Variants in MACROD2 observed in about 807,000 individuals in gnomAD.
MACROD2 encodes mono-ADP ribosylhydrolase 2, also known as ADP-ribose glycohydrolase MACROD2.
Under a neutral mutation model 70.4 loss-of-function variants are expected in MACROD2, and 36 were observed. That is an observed-to-expected ratio of 0.51 (90% confidence interval 0.39 to 0.68). The LOEUF (loss-of-function observed/expected upper bound fraction) is 0.68, where lower values mean the gene tolerates loss of function less well. MACROD2 is among the 30% of genes least tolerant of loss of function. The pLI is 0.00. For missense variants in MACROD2, 496 were observed against 538.4 expected (o/e 0.92, Z 0.78); for synonymous variants, 172 against 178.8 (o/e 0.96, Z 0.30).
intron 3 of MACROD2, among the ~76,000 whole-genome samples, chr20:14,405,930 A>G (rs562480445): frequency 1.3e-5 from 2 of 152,288 alleles, no homozygotes; most frequent in South Asian, 4.1e-4. Context: ...AACTTGAGCC[A>G]TTACTGTGGA....
chr20:14,078,261 AATTT>A (rs1944962888), intron 2 of MACROD2, among the ~76,000 whole-genome samples: 1 of 152,000 alleles, frequency 6.6e-6, no homozygotes, highest in African/African-American at 2.4e-5. Flanking sequence ...TTATCAAAAT[AATTT>A]ATTGTGCTTT....
At chr20:15,045,754 A>G (rs1429134538) in intron 5 of MACROD2, among the ~76,000 whole-genome samples, 1 of 92,762 alleles carries the variant, frequency 1.1e-5, no homozygotes, top group African/African-American at 3.7e-5. Flanking sequence ...TCCCTTTCTG[A>G]TAACACACCA....
chr20:14,621,162 A>C (rs1983803728), intron 4 of MACROD2, among the ~76,000 whole-genome samples: 1 of 152,140 alleles, frequency 6.6e-6, no homozygotes, highest in Non-Finnish European at 1.5e-5. Context: ...TGTTGTGTGG[A>C]TAAACTAATT....
chr20:15,139,315 A>G (rs1199487733), intron 5 of MACROD2, among the ~76,000 whole-genome samples: 2 of 152,108 alleles, frequency 1.3e-5, no homozygotes, highest in African/African-American at 2.4e-5. Flanking sequence ...TTGCACCAGC[A>G]TTGTTTATAT....
chr20:15,554,525 A>G (rs1163517677), intron 8 of MACROD2, among the ~76,000 whole-genome samples: 4 of 151,112 alleles, frequency 2.6e-5, no homozygotes, highest in African/African-American at 7.3e-5. Flanking sequence ...GAACCTATAC[A>G]TCATGGTAGT....
At chr20:15,466,209 GTTCA>G (rs2046885887) in intron 7 of MACROD2, among the ~76,000 whole-genome samples, 1 of 152,110 alleles carries the variant, frequency 6.6e-6, no homozygotes, top group South Asian at 2.1e-4. Flanking sequence ...TCATTCATTT[GTTCA>G]TTCATTCATT....
At chr20:14,357,715 A>T (rs2083186147) in intron 3 of MACROD2, among the ~76,000 whole-genome samples, 1 of 152,246 alleles carries the variant, frequency 6.6e-6, no homozygotes, top group South Asian at 2.1e-4. Flanking sequence ...ACTGATGAGC[A>T]GCTGCTGGCT....
At chr20:14,602,998 A>G (rs908293819) in intron 4 of MACROD2, among the ~76,000 whole-genome samples, 2 of 152,208 alleles carry the variant, frequency 1.3e-5, no homozygotes, top group South Asian at 2.1e-4. Context: ...AATTACATCT[A>G]GGAGACAACA....
intron 5 of MACROD2, among the ~76,000 whole-genome samples, chr20:14,909,767 G>T (rs1333008089): frequency 6.6e-6 from 1 of 152,048 alleles, no homozygotes; most frequent in Non-Finnish European, 1.5e-5. Flanking sequence ...ACAGGAATTT[G>T]AAAATCTGTT....
chr20:14,504,280 A>C (rs1163626635), intron 4 of MACROD2, among the ~76,000 whole-genome samples: 3 of 152,194 alleles, frequency 2.0e-5, no homozygotes, highest in Admixed American at 2.0e-4. Flanking sequence ...TTGCACATAC[A>C]TTATCTATGT....
chr20:15,692,415 G>T (rs2050309784), intron 8 of MACROD2, among the ~76,000 whole-genome samples: 1 of 152,034 alleles, frequency 6.6e-6, no homozygotes, highest in South Asian at 2.1e-4. Context: ...TTGAACTCTT[G>T]CTTCAACCTA....
At chr20:15,104,798 C>G (rs1308802959) in intron 5 of MACROD2, among the ~76,000 whole-genome samples, 1 of 152,072 alleles carries the variant, frequency 6.6e-6, no homozygotes, top group Non-Finnish European at 1.5e-5. Flanking sequence ...ATTTAAAAAG[C>G]AATTTCAACC....
At chr20:15,657,851 G>A in intron 8 of MACROD2, among the ~76,000 whole-genome samples, 1 of 152,162 alleles carries the variant, frequency 6.6e-6, no homozygotes, top group Middle Eastern at 3.2e-3. Context: ...AATTAGCTGT[G>A]CGTGGTGGCA....
chr20:15,040,034 T>A (rs1453888077), intron 5 of MACROD2, among the ~76,000 whole-genome samples: 1 of 152,164 alleles, frequency 6.6e-6, no homozygotes. Flanking sequence ...CTCTTGGATG[T>A]GAAGCATTGT....
At chr20:15,187,495 T>C (rs902623270) in intron 5 of MACROD2, among the ~76,000 whole-genome samples, 1 of 152,156 alleles carries the variant, frequency 6.6e-6, no homozygotes, top group Non-Finnish European at 1.5e-5. Context: ...TACTGGACAA[T>C]GAGACAGCTG....
chr20:14,612,142 A>T (rs189145746), intron 4 of MACROD2, among the ~76,000 whole-genome samples: 1 of 152,264 alleles, frequency 6.6e-6, no homozygotes, highest in East Asian at 1.9e-4. Context: ...ATCTAGCCAG[A>T]TGTTTAAGCA....
At chr20:14,114,885 T>C (rs941204403) in intron 3 of MACROD2, among the ~76,000 whole-genome samples, 1 of 152,198 alleles carries the variant, frequency 6.6e-6, no homozygotes, top group African/African-American at 2.4e-5. Context: ...AATATCTTCA[T>C]AATCTAGAGG....
At position 15,625,261 on chromosome 20, in the gene MACROD2, C is replaced by T. The variant is rs531089790; in HGVS notation, c.645+125414C>T. ...GAGAAGACCACAAGTGACTATAAAA[C>T]GAGGAAGCCCCGTAGCTAAGGGATT... On this transcript the variant is annotated intron_variant, in intron 8 of 17. Transcript: ENST00000684519. 6.6e-5 allele frequency among the ~76,000 whole-genome samples: 10 copies of T among 151,974 alleles called. No individual in the cohort carries two copies. The East Asian group carries it at 1.7e-3, about 26-fold the overall frequency.
chr20:14,156,371 G>A lies in MACROD2; in HGVS notation c.271+70643G>A, dbSNP rs908148987. Among the ~76,000 whole-genome samples, 36 of 152,034 alleles carry A rather than the reference G, an allele frequency of 2.4e-4. 1 individual carries two copies. Among genetic ancestry groups the A allele is most frequent in the Admixed American group, 2.3e-3 (35 of 15,252 alleles). On this transcript the variant is annotated intron_variant, in intron 3 of 17. Coordinates refer to ENST00000684519, the MANE Select transcript of MACROD2 (RefSeq NM_001351661.2). The stretch of plus-strand genomic sequence containing the variant: ...TTTTGCCTTTTCAGGAACTATTTGC[G>A]TTTGCGGTATTGCTTAACTATGAAA...
Sources: gnomAD v4.1 joint callset for allele counts (sites outside exome capture counted in the v4.1 genomes callset) on GRCh38, gnomAD v4.1.1 for gene constraint, MANE v1.5 for transcripts, NCBI Gene and HGNC (gene_info 2026-07-23, HGNC 2026-07-21) for gene names.